WDR70: variants seen among roughly 807,000 people sequenced by gnomAD.
WDR70 encodes the protein WD repeat-containing protein 70.
A neutral mutation model predicts 88.6 loss-of-function variants in WDR70; 53 were observed. The observed-to-expected ratio is 0.60, with a 90% CI of 0.48 to 0.75. WDR70 has a LOEUF of 0.75. WDR70 is among the 30% of genes least tolerant of loss of function. The probability of loss-of-function intolerance (pLI) is 0.00; values close to 1 mark genes in which losing one functional copy is unlikely to be tolerated. For missense variants in WDR70, 610 were observed against 823.2 expected, an observed-to-expected ratio of 0.74 and a Z score of 3.17; for synonymous variants, 280 against 270.0, an observed-to-expected ratio of 1.04 and a Z score of -0.36.
intron 5 of WDR70, among the ~76,000 whole-genome samples, chr5:37,406,203 A>T (rs1749347712): frequency 2.0e-5 from 3 of 152,190 alleles, no homozygotes; most frequent in Admixed American, 2.0e-4. Context: ...GGTTGCCATC[A>T]TTCCTCTCTT....
At chr5:37,720,562 G>C (rs1304858932) in intron 13 of WDR70, among the ~76,000 whole-genome samples, 1 of 152,102 alleles carries the variant, frequency 6.6e-6, no homozygotes, top group East Asian at 1.9e-4. Context: ...TTTGTATTCT[G>C]TATCTCTGTT....
chr5:37,704,593 T>G (rs1163927705), intron 13 of WDR70, among the ~76,000 whole-genome samples: 1 of 152,240 alleles, frequency 6.6e-6, no homozygotes. Context: ...ATTGTATATT[T>G]GTTTGGTTTC....
intron 9 of WDR70, among the ~76,000 whole-genome samples, chr5:37,585,474 C>G (rs1234483451): frequency 2.6e-5 from 4 of 152,186 alleles, no homozygotes; most frequent in Non-Finnish European, 4.4e-5. Flanking sequence ...GAATTCTTCT[C>G]TTTGTTCTCA....
chr5:37,632,910 C>T (rs1015369627), intron 10 of WDR70, among the ~76,000 whole-genome samples: 7 of 152,076 alleles, frequency 4.6e-5, no homozygotes, highest in African/African-American at 1.4e-4. Flanking sequence ...TGGTAAGTGC[C>T]CTATACAGGG....
chr5:37,426,456 C>T (rs146938746), intron 5 of WDR70, among the ~76,000 whole-genome samples: 1 of 152,284 alleles, frequency 6.6e-6, no homozygotes, highest in African/African-American at 2.4e-5. Flanking sequence ...TAATTTTTCT[C>T]ATGACTATAA....
At chr5:37,668,174 G>A (rs1400652704) in intron 10 of WDR70, among the ~76,000 whole-genome samples, 2 of 152,108 alleles carry the variant, frequency 1.3e-5, no homozygotes, top group Non-Finnish European at 2.9e-5. Flanking sequence ...TGGTGATTTA[G>A]GTGATATCCT....
chr5:37,521,085 T>C (rs1056167355), intron 9 of WDR70, among the ~76,000 whole-genome samples: 1 of 152,096 alleles, frequency 6.6e-6, no homozygotes, highest in African/African-American at 2.4e-5. Flanking sequence ...AAAACTTAAG[T>C]TGAATAGAGC....
At chr5:37,519,455 A>G (rs1461164359) in intron 9 of WDR70, among the ~76,000 whole-genome samples, 4 of 144,512 alleles carry the variant, frequency 2.8e-5, no homozygotes, top group South Asian at 2.2e-4. Flanking sequence ...CACTTCCCAG[A>G]TGATGGGCTG....
chr5:37,686,017 C>T (rs768624666), intron 10 of WDR70, among the ~76,000 whole-genome samples: 29 of 152,158 alleles, frequency 1.9e-4, no homozygotes, highest in African/African-American at 6.8e-4. Context: ...CTGTTCCACC[C>T]GGCTGCATGT....
intron 7 of WDR70, among the ~76,000 whole-genome samples, chr5:37,462,901 T>G (rs1358324144): frequency 6.6e-6 from 1 of 152,222 alleles, no homozygotes; most frequent in Admixed American, 6.5e-5. Flanking sequence ...TTATATTAAC[T>G]AGTACGTCAA....
In WDR70 at chr5:37,726,931, T is replaced by G; in HGVS notation, c.1763T>G (p.Ile588Ser). 1 of 1,609,962 alleles carries G rather than the reference T, an allele frequency of 6.2e-7. No homozygotes were observed. The highest frequency in any genetic ancestry group is 8.5e-7 in the Non-Finnish European group (1 of 1,178,648). ...GTHGGTLSSY[I>S]VKNIALDKTD... ...CACGGGGGCACTCTCTCTTCCTATA[T>G]TGTGAAGAACATTGCTTTGGACAAG... Residue 588 changes from isoleucine (I) to serine (S), a missense_variant, in exon 17 of 18, where the codon ATT becomes AGT. Coordinates refer to ENST00000265107, the MANE Select transcript of WDR70 (RefSeq NM_018034.4).
intron 7 of WDR70, among the ~76,000 whole-genome samples, chr5:37,466,236 C>T (rs12186820): frequency 0.89 from 131,504 of 146,952 alleles, 59,117 homozygotes; most frequent in East Asian, 1. Context: ...TCTTTTGTTT[C>T]TGTTCTTTAA....
At chr5:37,456,415 C>A in intron 7 of WDR70, among the ~76,000 whole-genome samples, 1 of 152,126 alleles carries the variant, frequency 6.6e-6, no homozygotes, top group East Asian at 1.9e-4. Flanking sequence ...ATTTTAAGAA[C>A]TGGGTTCTTT....
intron 17 of WDR70, among the ~76,000 whole-genome samples, chr5:37,742,868 C>A (rs1376695892): frequency 1.3e-5 from 2 of 152,132 alleles, no homozygotes; most frequent in Non-Finnish European, 2.9e-5. Flanking sequence ...AATGAAAAAA[C>A]AGGTGGTAAA....
At chr5:37,558,769 A>G (rs1018738252) in intron 9 of WDR70, among the ~76,000 whole-genome samples, 2 of 152,148 alleles carry the variant, frequency 1.3e-5, no homozygotes, top group East Asian at 3.8e-4. Flanking sequence ...TAGGGAAAGC[A>G]GGTTGGGTGG....
intron 8 of WDR70, among the ~76,000 whole-genome samples, chr5:37,500,003 ATT>A (rs1740356778): frequency 6.6e-6 from 1 of 152,194 alleles, no homozygotes; most frequent in African/African-American, 2.4e-5. Flanking sequence ...ACATGAATGA[ATT>A]GTACAGTGGT....
intron 9 of WDR70, among the ~76,000 whole-genome samples, chr5:37,532,926 GT>G (rs1290922911): frequency 6.6e-6 from 1 of 152,192 alleles, no homozygotes; most frequent in Non-Finnish European, 1.5e-5. Context: ...CAAGGTGGCT[GT>G]TCAGATTCTT....
chr5:37,434,757 A>G (rs149409993), intron 5 of WDR70, among the ~76,000 whole-genome samples: 2 of 152,368 alleles, frequency 1.3e-5, no homozygotes, highest in African/African-American at 2.4e-5. Flanking sequence ...AAATTAAGCC[A>G]AAACAAAAAA....
chr5:37,396,070 G>A (rs1469149100), intron 4 of WDR70, among the ~76,000 whole-genome samples: 8 of 152,284 alleles, frequency 5.3e-5, no homozygotes, highest in Non-Finnish European at 1.0e-4. Context: ...AAGTGCTGGC[G>A]TTACAGGTGT....
Sources: gnomAD v4.1 joint callset for allele counts (sites outside exome capture counted in the v4.1 genomes callset) on GRCh38, gnomAD v4.1.1 for gene constraint, MANE v1.5 for transcripts, NCBI Gene and HGNC (gene_info 2026-07-23, HGNC 2026-07-21) for gene names.